The following CDH18 variants were observed in gnomAD, a reference collection of about 807,000 sequenced individuals.
CDH18 encodes the protein cadherin 18.
In CDH18, 31 loss-of-function variants were observed where a neutral mutation model predicts 67.9. The observed-to-expected ratio is 0.46, with a 90% confidence interval of 0.34 to 0.62. The LOEUF (loss-of-function observed/expected upper bound fraction) is 0.62, where lower values mean the gene tolerates loss of function less well. Ranked by LOEUF, CDH18 falls within the 20% of genes least tolerant of loss-of-function variation. CDH18 has a pLI of 0.01. For synonymous variants in CDH18, 362 were observed against 347.2 expected (o/e 1.04, Z -0.48); for missense variants, 890 against 975.5 (o/e 0.91, Z 1.17).
At chr5:20,339,005 G>C (rs1433367994) in intron 1 of CDH18, among the ~76,000 whole-genome samples, 3 of 152,184 alleles carry the variant, frequency 2.0e-5, no homozygotes, top group Non-Finnish European at 4.4e-5. Flanking sequence ...GGAGCCAGGG[G>C]ATACAGTGAG....
chr5:20,510,560 G>T (rs1396342), intron 1 of CDH18, among the ~76,000 whole-genome samples: 73,834 of 151,754 alleles, frequency 0.49, 18,082 homozygotes, highest in East Asian at 0.58. Context: ...CTCACCCAGT[G>T]AATCTCGGCC....
intron 2 of CDH18, among the ~76,000 whole-genome samples, chr5:20,003,789 T>A (rs1395172980): frequency 1.3e-5 from 2 of 152,032 alleles, no homozygotes; most frequent in Non-Finnish European, 2.9e-5. Flanking sequence ...TCCCAGCTAC[T>A]CGGGAGGCTG....
At chr5:20,216,234 T>C (rs1740759033) in intron 2 of CDH18, among the ~76,000 whole-genome samples, 1 of 151,920 alleles carries the variant, frequency 6.6e-6, no homozygotes, top group Non-Finnish European at 1.5e-5. Flanking sequence ...ATTTCTATAG[T>C]GTGACAGAGA....
chr5:20,312,204 T>C (rs1489988822), intron 1 of CDH18, among the ~76,000 whole-genome samples: 1 of 152,212 alleles, frequency 6.6e-6, no homozygotes, highest in African/African-American at 2.4e-5. Flanking sequence ...GAATGTATGA[T>C]GAGCAGGATA....
intron 8 of CDH18, among the ~76,000 whole-genome samples, chr5:19,556,457 A>T (rs1273506713): frequency 6.6e-6 from 1 of 152,198 alleles, no homozygotes. Flanking sequence ...AATCAATGAC[A>T]TACTTAGGGA....
chr5:20,432,433 A>G (rs575749270), intron 1 of CDH18, among the ~76,000 whole-genome samples: 9 of 152,172 alleles, frequency 5.9e-5, no homozygotes, highest in Non-Finnish European at 1.3e-4. Flanking sequence ...TAAATTCAGC[A>G]GTTGTAATAA....
At chr5:20,370,223 CGTCATCATTATTATCCTTATCACT>C (rs1433988936) in intron 1 of CDH18, among the ~76,000 whole-genome samples, 2 of 151,322 alleles carry the variant, frequency 1.3e-5, no homozygotes, top group African/African-American at 4.8e-5. Context: ...TCCTTGTCAC[CGTCATCATTATTATCCTTATCACT>C]GTCATCATTA....
intron 1 of CDH18, among the ~76,000 whole-genome samples, chr5:20,499,580 C>T (rs1187068018): frequency 9.2e-5 from 14 of 152,046 alleles, no homozygotes; most frequent in Admixed American, 8.5e-4. Context: ...GACCTTTAAA[C>T]TCTAAAAATA....
At chr5:19,492,716 A>T (rs1741662757) in intron 11 of CDH18, among the ~76,000 whole-genome samples, 1 of 152,140 alleles carries the variant, frequency 6.6e-6, no homozygotes, top group Admixed American at 6.5e-5. Context: ...AATATTAAGC[A>T]AAATTATGTA....
At chr5:20,387,813 T>C (rs1744439323) in intron 1 of CDH18, among the ~76,000 whole-genome samples, 1 of 152,204 alleles carries the variant, frequency 6.6e-6, no homozygotes, top group South Asian at 2.1e-4. Flanking sequence ...TTTCTGCACC[T>C]ATTGAGATAA....
intron 2 of CDH18, among the ~76,000 whole-genome samples, chr5:19,886,904 C>T (rs1158960102): frequency 6.6e-6 from 1 of 151,974 alleles, no homozygotes; most frequent in Non-Finnish European, 1.5e-5. Flanking sequence ...CGGATGTATC[C>T]ATTTCATAAA....
At chr5:20,205,946 G>C (rs1411548105) in intron 2 of CDH18, among the ~76,000 whole-genome samples, 1 of 151,656 alleles carries the variant, frequency 6.6e-6, no homozygotes, top group Non-Finnish European at 1.5e-5. Context: ...ACTTAGAAAA[G>C]CAAGAATAAA....
chr5:20,366,370 CT>C (rs1280609276), intron 1 of CDH18, among the ~76,000 whole-genome samples: 1 of 152,188 alleles, frequency 6.6e-6, no homozygotes, highest in African/African-American at 2.4e-5. Flanking sequence ...TCCTGTTCCA[CT>C]TTTTTTCCTG....
At chr5:20,544,282 A>G (rs1757217008) in intron 1 of CDH18, among the ~76,000 whole-genome samples, 1 of 152,170 alleles carries the variant, frequency 6.6e-6, no homozygotes, top group African/African-American at 2.4e-5. Flanking sequence ...AGGAAGATAG[A>G]ATTCAAATGC....
intron 2 of CDH18, among the ~76,000 whole-genome samples, chr5:20,181,309 G>A (rs1051701955): frequency 6.6e-6 from 1 of 152,100 alleles, no homozygotes; most frequent in Admixed American, 6.6e-5. Flanking sequence ...GTATATTTGG[G>A]AATGCCCTCT....
At chr5:19,835,026 T>A (rs971887178) in intron 3 of CDH18, among the ~76,000 whole-genome samples, 1 of 152,134 alleles carries the variant, frequency 6.6e-6, no homozygotes, top group African/African-American at 2.4e-5. Flanking sequence ...ACTGGATATA[T>A]ACCCAAAGGA....
chr5:20,283,949 A>G (rs1449025998), intron 1 of CDH18, among the ~76,000 whole-genome samples: 3 of 152,076 alleles, frequency 2.0e-5, no homozygotes, highest in Non-Finnish European at 4.4e-5. Flanking sequence ...TGACAATAGC[A>G]TGGATGGAAC....
intron 2 of CDH18, among the ~76,000 whole-genome samples, chr5:20,003,888 C>T (rs1227273909): frequency 5.3e-5 from 8 of 152,182 alleles, no homozygotes; most frequent in Non-Finnish European, 8.8e-5. Context: ...CAGAGCGAGA[C>T]TCCGTCTCAA....
chr5:19,990,347 C>A (rs928356516), upstream of CDH18, among the ~76,000 whole-genome samples: 1 of 152,176 alleles, frequency 6.6e-6, no homozygotes, highest in African/African-American at 2.4e-5. Flanking sequence ...GTGGCTGAGA[C>A]ACAAGCAATG....
Sources: allele counts gnomAD v4.1 joint callset (sites outside exome capture counted in the v4.1 genomes callset), GRCh38; gene constraint gnomAD v4.1.1; transcripts MANE v1.5; gene names NCBI Gene and HGNC (gene_info 2026-07-23, HGNC 2026-07-21).